CERS6: variants seen among roughly 807,000 people sequenced by gnomAD.
CERS6 encodes the protein LAG1 homolog, ceramide synthase 6.
Under a neutral mutation model 56.8 loss-of-function variants are expected in CERS6, and 26 were observed. That is an observed-to-expected ratio of 0.46 (90% CI 0.34 to 0.63). CERS6 has a LOEUF of 0.63. Ranked by LOEUF, CERS6 falls within the 30% of genes least tolerant of loss-of-function variation. The pLI, the probability that CERS6 is intolerant of heterozygous loss-of-function variation, is 0.01. For missense variants in CERS6, 415 were observed against 467.5 expected (o/e 0.89, Z 1.04); for synonymous variants, 164 against 173.3 (o/e 0.95, Z 0.42).
At chr2:168,466,090 G>A (rs1310287709) in intron 1 of CERS6, among the ~76,000 whole-genome samples, 1 of 116,138 alleles carries the variant, frequency 8.6e-6, no homozygotes, top group Non-Finnish European at 1.8e-5. Flanking sequence ...GGCATAGGTG[G>A]GTGGGAGGTG....
intron 1 of CERS6, among the ~76,000 whole-genome samples, chr2:168,483,913 G>A (rs558478135): frequency 7.2e-4 from 110 of 152,284 alleles, no homozygotes; most frequent in African/African-American, 2.6e-3. Context: ...TGAATCAGTA[G>A]ATTTGGATTT....
At chr2:168,511,492 C>A (rs1694786260) in intron 1 of CERS6, among the ~76,000 whole-genome samples, 1 of 152,048 alleles carries the variant, frequency 6.6e-6, no homozygotes, top group East Asian at 1.9e-4. Flanking sequence ...TCCTGTGTGT[C>A]TTATTGGTGT....
Position 168,600,110 on chromosome 2 carries a change from C to G in CERS6, c.408-30875C>G, listed in dbSNP as rs1001651320. Among the ~76,000 whole-genome samples the G allele has an allele frequency of 1.2e-4, 19 of 152,026 alleles. 1 individual carries two copies. The highest frequency in any genetic ancestry group is 1.0e-3 in the Admixed American group (16 of 15,260). ...TCCCCCTTCCTCCTTTCCTTTCTCT[C>G]CATGAACATTATAGGTGACAGTAGT... On this transcript the variant is annotated intron_variant, in intron 3 of 9. Transcript: ENST00000305747.
chr2:168,542,871 A>G (rs1457933395), intron 1 of CERS6, among the ~76,000 whole-genome samples: 1 of 151,908 alleles, frequency 6.6e-6, no homozygotes, highest in Non-Finnish European at 1.5e-5. Context: ...TAATTTTGGT[A>G]TTTTTAGTAG....
rs150724635 is a variant in CERS6 at position 168,520,598 on chromosome 2, C to CTTTTTTTTTTTTTTTTTTTTTTTTT, written c.171-26993_171-26969dup. ...TTAACTCTTTAACATTTACAATATC[C>CTTTTTTTTTTTTTTTTTTTTTTTTT]TTTTTTTTTTTTTTTTTTTTTTTTT... is the stretch of plus-strand genomic sequence containing the variant. On this transcript the variant is annotated intron_variant, in intron 1 of 9. Coordinates refer to ENST00000305747, the MANE Select transcript of CERS6 (RefSeq NM_203463.3). Among the ~76,000 whole-genome samples, 170 of 57,894 alleles carry CTTTTTTTTTTTTTTTTTTTTTTTTT rather than the reference C, an allele frequency of 2.9e-3. 38 individuals carry two copies. Among genetic ancestry groups the CTTTTTTTTTTTTTTTTTTTTTTTTT allele is most frequent in the Admixed American group, 5.5e-3 (18 of 3,266 alleles). The allele number at this position is 57,894 out of a possible 152,430, so 38.0% of individuals were successfully genotyped here.
chr2:168,517,527 A>AATAAAT lies in CERS6; in HGVS notation c.171-30068_171-30067insTAAATA, dbSNP rs764294452. ...TAAATAAATAAATAAATAAATAATA[A>AATAAAT]AATAAAATAAACATTAAAAAAAAAG... On this transcript the variant is annotated intron_variant, in intron 1 of 9. Coordinates refer to ENST00000305747, the MANE Select transcript of CERS6 (RefSeq NM_203463.3). Among the ~76,000 whole-genome samples, 1,464 of 150,854 alleles carry AATAAAT rather than the reference A, an allele frequency of 9.7e-3. 14 individuals are homozygous for AATAAAT. The highest frequency in any genetic ancestry group is 0.021 in the African/African-American group (853 of 40,928).
chr2:168,520,554 A>ATAGTTT (rs1328343707), intron 1 of CERS6, among the ~76,000 whole-genome samples: 2 of 127,186 alleles, frequency 1.6e-5, no homozygotes, highest in Non-Finnish European at 3.4e-5. Context: ...TAGGATCTTT[A>ATAGTTT]TAGTTTAAAT....
chr2:168,717,203 C>T (rs970899809), intron 7 of CERS6, among the ~76,000 whole-genome samples: 2 of 152,110 alleles, frequency 1.3e-5, no homozygotes, highest in Non-Finnish European at 2.9e-5. Flanking sequence ...GACCCTTGAA[C>T]ATTAGTGGCT....
rs80310643 is a variant in CERS6, at chr2:168,592,365, G to A, written c.407+31043G>A. On this transcript the variant is annotated intron_variant, in intron 3 of 9. Coordinates refer to ENST00000305747, the MANE Select transcript of CERS6 (RefSeq NM_203463.3). ...AGCTGCCCCACTGGCTGGAGCTCAG[G>A]ACGTGGGAAAGGGAGGTGAGGCTAG... is the stretch of plus-strand genomic sequence containing the variant. Among the ~76,000 whole-genome samples the A allele has an allele frequency of 8.8e-3, 1,333 of 152,286 alleles. 9 individuals carry two copies. The highest frequency in any genetic ancestry group is 0.015 in the Non-Finnish European group (989 of 68,020).
chr2:168,645,183 A>AGAGAGAGAGAGAGAGT (rs1685165620), intron 4 of CERS6, among the ~76,000 whole-genome samples: 5 of 115,366 alleles, frequency 4.3e-5, no homozygotes, highest in Non-Finnish European at 8.6e-5. Flanking sequence ...AGAGAGAGAG[A>AGAGAGAGAGAGAGAGT]GAGAGAGTAA....
chr2:168,703,761 T>C (rs943347251), intron 6 of CERS6, among the ~76,000 whole-genome samples: 8 of 152,118 alleles, frequency 5.3e-5, no homozygotes, highest in African/African-American at 1.9e-4. Context: ...TTCACCTCTC[T>C]TTCACCAAGG....
intron 8 of CERS6, among the ~76,000 whole-genome samples, chr2:168,724,520 T>C (rs1405116484): frequency 1.3e-5 from 2 of 152,080 alleles, no homozygotes; most frequent in African/African-American, 2.4e-5. Context: ...GGGCGCTGAT[T>C]GGTGCTTTTA....
chr2:168,709,893 G>A (rs558318857), intron 6 of CERS6, among the ~76,000 whole-genome samples: 1 of 152,296 alleles, frequency 6.6e-6, no homozygotes, highest in African/African-American at 2.4e-5. Flanking sequence ...TAAGGAGGAT[G>A]TTAGTAACAC....
At chr2:168,673,048 G>T (rs570151944) in intron 4 of CERS6, among the ~76,000 whole-genome samples, 1 of 152,184 alleles carries the variant, frequency 6.6e-6, no homozygotes, top group Non-Finnish European at 1.5e-5. Flanking sequence ...TGTCTTATTA[G>T]TATTGAGTAA....
chr2:168,621,381 TCTTG>T (rs1256355044), intron 3 of CERS6, among the ~76,000 whole-genome samples: 3 of 152,238 alleles, frequency 2.0e-5, no homozygotes, highest in Non-Finnish European at 2.9e-5. Flanking sequence ...GTTGGAAAAT[TCTTG>T]CTTATCTTTT....
chr2:168,645,053 T>C (rs1485585783), intron 4 of CERS6, among the ~76,000 whole-genome samples: 1 of 125,232 alleles, frequency 8.0e-6, no homozygotes, highest in Non-Finnish European at 1.6e-5. Flanking sequence ...ATCACACCAC[T>C]GCACTCCAGC....
chr2:168,487,434 G>C (rs1347003463), intron 1 of CERS6, among the ~76,000 whole-genome samples: 1 of 152,106 alleles, frequency 6.6e-6, no homozygotes, highest in East Asian at 1.9e-4. Flanking sequence ...GAGAATATTT[G>C]GGTCAAAATA....
At chr2:168,516,202 A>T (rs1024705721) in intron 1 of CERS6, among the ~76,000 whole-genome samples, 2 of 152,298 alleles carry the variant, frequency 1.3e-5, no homozygotes, top group South Asian at 4.1e-4. Context: ...ATGTCATAAC[A>T]TCTTCCTCTG....
At chr2:168,668,063 A>T (rs1411413303) in intron 4 of CERS6, among the ~76,000 whole-genome samples, 1 of 152,188 alleles carries the variant, frequency 6.6e-6, no homozygotes, top group African/African-American at 2.4e-5. Context: ...TGAAATCATG[A>T]TAAGGAGCCC....
Sources: gnomAD v4.1 joint callset for allele counts (sites outside exome capture counted in the v4.1 genomes callset) on GRCh38, gnomAD v4.1.1 for gene constraint, MANE v1.5 for transcripts, NCBI Gene and HGNC (gene_info 2026-07-23, HGNC 2026-07-21) for gene names.